Variants in ARMH1 observed in about 807,000 individuals in gnomAD.
The protein encoded by ARMH1 is armadillo like helical domain containing 1, also known as armadillo-like helical domain containing protein 1.
A neutral mutation model predicts 50.2 loss-of-function variants in ARMH1; 34 were observed. The observed-to-expected ratio is 0.68, with a 90% CI of 0.51 to 0.90. The LOEUF is 0.90. Among genes scored for constraint, ARMH1 ranks in the 40% least tolerant of loss-of-function variants. The probability of loss-of-function intolerance (pLI) is 0.00; values close to 1 mark genes in which losing one functional copy is unlikely to be tolerated. For missense variants in ARMH1, 538 were observed against 553.9 expected, an observed-to-expected ratio of 0.97 and a Z score of 0.29; for synonymous variants, 221 against 224.2, an observed-to-expected ratio of 0.99 and a Z score of 0.13.
At chr1:44,697,055 C>T in intron 2 of ARMH1, 47 bp from the exon 3 acceptor site, 1 of 1,432,322 alleles carries the variant, frequency 7.0e-7, no homozygotes, top group Non-Finnish European at 9.6e-7. Flanking sequence ...GCTCTGGCTT[C>T]TGTGTGAAAA....
At chr1:44,715,633 C>T (rs572100502) in intron 6 of ARMH1, among the ~76,000 whole-genome samples, 1 of 152,198 alleles carries the variant, frequency 6.6e-6, no homozygotes, top group Non-Finnish European at 1.5e-5. Flanking sequence ...AATCTCAGCT[C>T]AATGCAACCT....
intron 1 of ARMH1, among the ~76,000 whole-genome samples, chr1:44,677,039 G>A (rs984986348): frequency 6.6e-5 from 10 of 152,174 alleles, no homozygotes; most frequent in African/African-American, 2.4e-4. Flanking sequence ...GTTAATTGGT[G>A]GGTTTGGTGA....
chr1:44,704,241 CT>C, intron 6 of ARMH1, 68 bp downstream of exon 6: 1 of 1,204,554 alleles, frequency 8.3e-7, no homozygotes, highest in Non-Finnish European at 1.2e-6. Context: ...AAAGCTTTCT[CT>C]TAGTCACAAA....
chr1:44,710,810 C>A (rs142035260), intron 6 of ARMH1, among the ~76,000 whole-genome samples: 310 of 152,182 alleles, frequency 2.0e-3, no homozygotes, highest in African/African-American at 7.2e-3. Context: ...ACATTTTCAT[C>A]CCCCCAAAAG....
chr1:44,695,028 C>G (rs991702840), intron 2 of ARMH1, among the ~76,000 whole-genome samples: 1 of 152,210 alleles, frequency 6.6e-6, no homozygotes, highest in Non-Finnish European at 1.5e-5. Context: ...CATCATGTCT[C>G]CTACTCAGTG....
In ARMH1 at chr1:44,701,114, GC is replaced by G; in HGVS notation, c.637del (p.Gln213SerfsTer16). The G allele has an allele frequency of 6.5e-7, 1 of 1,546,684 alleles. No individual in the cohort carries two copies. Among genetic ancestry groups the G allele is most frequent in the Non-Finnish European group, 8.7e-7 (1 of 1,144,716 alleles). On this transcript the variant is annotated frameshift_variant, in exon 5 of 12. Coordinates refer to ENST00000535358, the MANE Select transcript of ARMH1 (RefSeq NM_001145636.2). LOFTEE classifies it high-confidence loss of function. ...QQLSLQTLRT[A>X]QPIIGTTHPS... The stretch of plus-strand genomic sequence containing the variant: ...GCTGTCCCTGCAGACTCTCAGGACT[GC>G]CCAGGTGAGCCAAGGCTGCATGCTC...
chr1:44,686,875 A>C (rs575289488), intron 1 of ARMH1, among the ~76,000 whole-genome samples: 110 of 151,936 alleles, frequency 7.2e-4, no homozygotes, highest in African/African-American at 2.6e-3. Flanking sequence ...CAGGAGTTTA[A>C]GGCTGCAGTT....
At position 44,724,532 on chromosome 1, in the gene ARMH1, G is replaced by T; in HGVS notation, c.921-7G>T. 6.6e-7 allele frequency: 1 copy of T among 1,506,160 alleles called. No homozygotes were observed. 93.3% of individuals were successfully genotyped at this position (1,506,160 alleles called of 1,614,324 possible). On this transcript the variant is annotated splice_region_variant and splice_polypyrimidine_tract_variant and intron_variant, in intron 8 of 11. Coordinates refer to ENST00000535358, the MANE Select transcript of ARMH1 (RefSeq NM_001145636.2). This position sits in a 1 kb window ranked among gnomAD's most constrained non-coding sequence, Gnocchi z 6.4. ...GGGCGTCGCCCCAGCCCGAACCCCCGGCCCAGGGTCCTGGCGCGCAACGAC... is the reference window on the plus strand; with the variant it reads ...GGGCGTCGCCCCAGCCCGAACCCCCTGCCCAGGGTCCTGGCGCGCAACGAC...
chr1:44,689,218 C>CCGT (rs1645576098), intron 1 of ARMH1: 1 of 158,288 alleles, frequency 6.3e-6, no homozygotes, highest in Non-Finnish European at 1.4e-5. Flanking sequence ...CCTGCCACCA[C>CCGT]GCCCAGGTAA....
At position 44,689,723 on chromosome 1, in the gene ARMH1, C is replaced by G; in HGVS notation, c.26C>G (p.Ala9Gly). The change falls in exon 2 of 12, where the codon GCA becomes GGA. Residue 9 changes from alanine (A) to glycine (G), a missense_variant. By Grantham distance (60) the Ala-to-Gly change is moderately conservative. Transcript: ENST00000535358. MTSIKEQAAISRLLSFLQE... is the reference protein window; with the variant it reads MTSIKEQAGISRLLSFLQE... ...ATGACTTCTATAAAGGAGCAGGCAG[C>G]AATTAGCAGGCTCTTAAGTTTTTTA... The G allele has an allele frequency of 6.4e-7, 1 of 1,551,984 alleles. No homozygotes were observed. The highest frequency in any genetic ancestry group is 8.7e-7 in the Non-Finnish European group (1 of 1,147,052).
Position 44,692,735 on chromosome 1 carries a change from G to A in ARMH1, c.206+2832G>A, listed in dbSNP as rs940660694. Among the ~76,000 whole-genome samples the A allele has an allele frequency of 2.6e-5, 4 of 151,748 alleles. No homozygotes were observed. The East Asian group carries it at 7.7e-4, about 29-fold the overall frequency. ...AGGTTTACCCAAATGTTCTTTTTTT[G>A]TTTGTTTGTTTGTTTGAGACAGGGT... is the stretch of plus-strand genomic sequence containing the variant. On this transcript the variant is annotated intron_variant, in intron 2 of 11. Coordinates refer to ENST00000535358, the MANE Select transcript of ARMH1 (RefSeq NM_001145636.2).
At chr1:44,690,085 G>GTA (rs1227129625) in intron 2 of ARMH1, among the ~76,000 whole-genome samples, 182 bp downstream of exon 2, 2 of 152,124 alleles carry the variant, frequency 1.3e-5, no homozygotes, top group African/African-American at 4.8e-5. Flanking sequence ...AGGCGTGGTG[G>GTA]CAGGTGCCTG....
At chr1:44,714,571 G>A (rs1646767093) in intron 6 of ARMH1, among the ~76,000 whole-genome samples, 1 of 150,438 alleles carries the variant, frequency 6.6e-6, no homozygotes, top group Admixed American at 6.6e-5. Context: ...GGCAACAAGA[G>A]TGAAACTCCG....
rs141632242 is a variant in ARMH1 at position 44,693,629 on chromosome 1, T to C, written c.207-3473T>C. 2.6e-3 allele frequency among the ~76,000 whole-genome samples: 399 copies of C among 152,212 alleles called. 2 individuals are homozygous for C. The highest frequency in any genetic ancestry group is 6.8e-3 in the Middle Eastern group (2 of 294). Reference sequence around the variant, plus strand: ...ACATCCCCAACTAATTTTATTATGTTTTTGTAGAGACAGGATCTTGCTGTT... The same window carrying C: ...ACATCCCCAACTAATTTTATTATGTCTTTGTAGAGACAGGATCTTGCTGTT... On this transcript the variant is annotated intron_variant, in intron 2 of 11. Coordinates refer to ENST00000535358, the MANE Select transcript of ARMH1 (RefSeq NM_001145636.2).
intron 3 of ARMH1, 134 bp from the exon 4 acceptor site, chr1:44,697,929 A>G (rs1645882338): frequency 5.2e-6 from 3 of 578,442 alleles, no homozygotes; most frequent in Non-Finnish European, 8.6e-6. Flanking sequence ...CCACACTCGT[A>G]TCACTTTACC....
chr1:44,710,566 G>A lies in ARMH1; in HGVS notation c.724+6393G>A, dbSNP rs183596251. On this transcript the variant is annotated intron_variant, in intron 6 of 11. Coordinates refer to ENST00000535358, the MANE Select transcript of ARMH1 (RefSeq NM_001145636.2). ...GGAGCTTGCAGTGAGCCGAGATCAT[G>A]CCACTGCACTCCAGCCTAGGCAACA... Among the ~76,000 whole-genome samples the A allele has an allele frequency of 1.0e-4, 14 of 133,698 alleles. 1 individual carries two copies. The East Asian group carries it at 3.1e-3, about 29-fold the overall frequency. The allele number at this position is 133,698 out of a possible 152,430, so 87.7% of individuals were successfully genotyped here. A position where few individuals can be genotyped will look rare whatever the true frequency, so the allele number is the denominator to read the frequency against.
chr1:44,715,174 C>A (rs1646802068), intron 6 of ARMH1, among the ~76,000 whole-genome samples: 1 of 152,144 alleles, frequency 6.6e-6, no homozygotes, highest in Non-Finnish European at 1.5e-5. Flanking sequence ...CTTGTCTGGA[C>A]CTGCAGAGAA....
Position 44,724,819 on chromosome 1 carries a change from G to A in ARMH1, c.1108G>A (p.Glu370Lys). ...GCACGTGCGCAAGTGCATGGGGGAG[G>A]AACTCTACCAGCTCTTCCTGGTAAG... ...AEHVRKCMGE[E>K]LYQLFLSNAE... The change falls in exon 10 of 12, where the codon GAA becomes AAA. Residue 370 changes from glutamate (E) to lysine (K), a missense_variant. Coordinates refer to ENST00000535358, the MANE Select transcript of ARMH1 (RefSeq NM_001145636.2). This position sits in a 1 kb window ranked among gnomAD's most constrained non-coding sequence, Gnocchi z 6.4. The A allele has an allele frequency of 6.5e-7, 1 of 1,542,150 alleles. No homozygotes were observed. Among genetic ancestry groups the A allele is most frequent in the Non-Finnish European group, 8.7e-7 (1 of 1,146,714 alleles).
At chr1:44,696,951 T>TCC (rs1340157598) in intron 2 of ARMH1, 151 bp from the exon 3 acceptor site, 1 of 626,416 alleles carries the variant, frequency 1.6e-6, no homozygotes, top group Admixed American at 2.6e-5. Flanking sequence ...TACTGCCACT[T>TCC]CCCCTTCCGC....
Sources: gnomAD v4.1 joint callset for allele counts (sites outside exome capture counted in the v4.1 genomes callset) on GRCh38, gnomAD v4.1.1 for gene constraint, Gnocchi (gnomAD v3.1) non-coding constraint, MANE v1.5 for transcripts, NCBI Gene and HGNC (gene_info 2026-07-23, HGNC 2026-07-21) for gene names.